Variants in SPOP observed in about 807,000 individuals in gnomAD.
SPOP encodes speckle type BTB/POZ protein.
A neutral mutation model predicts 45.6 loss-of-function variants in SPOP; 11 were observed. The observed-to-expected ratio is 0.24, with a 90% confidence interval of 0.15 to 0.40. The LOEUF is 0.40. Ranked by LOEUF, SPOP falls within the 10% of genes least tolerant of loss-of-function variation. The pLI, the probability that SPOP is intolerant of heterozygous loss-of-function variation, is 1.00. For missense variants in SPOP, 152 were observed against 465.6 expected (o/e 0.33, Z 6.20); for synonymous variants, 166 against 166.3 (o/e 1.00, Z 0.01).
rs1310160205 is a variant in SPOP, at chr17:49,602,343, A to G, written c.838-336T>C. On this transcript the variant is annotated intron_variant, in intron 8 of 9. Transcript: ENST00000504102. ...AGTTGTTCTTAAACCTTCACCACTTACAATTACAGTGAGGCATCAGTCTGC... is the reference window on the plus strand; with the variant it reads ...AGTTGTTCTTAAACCTTCACCACTTGCAATTACAGTGAGGCATCAGTCTGC... 6 of 203,112 alleles carry G rather than the reference A, an allele frequency of 3.0e-5. No individual in the cohort carries two copies. In the South Asian group the frequency reaches 5.0e-4, roughly 17 times the overall value. 12.6% of individuals were successfully genotyped at this position (203,112 alleles called of 1,614,324 possible).
intron 1 of SPOP, among the ~76,000 whole-genome samples, chr17:49,624,192 A>G (rs2072275219): frequency 6.6e-6 from 1 of 152,176 alleles, no homozygotes; most frequent in African/African-American, 2.4e-5. Context: ...GCAGATGGGT[A>G]GGATGAATTC....
rs573819199 is a variant in SPOP at position 49,675,630 on chromosome 17, C to T, written c.-67+2303G>A. Among the ~76,000 whole-genome samples, 5 of 152,226 alleles carry T rather than the reference C, an allele frequency of 3.3e-5. No individual in the cohort carries two copies. The East Asian group carries it at 7.7e-4, about 23-fold the overall frequency. ...TTTTAAAAAAGGCTCTGCACCAGTA[C>T]GAATTATTTAACAATATTCGTCTTA... On this transcript the variant is annotated intron_variant, in intron 1 of 9. Transcript: ENST00000504102.
intron 1 of SPOP, among the ~76,000 whole-genome samples, chr17:49,624,317 ACACGCGCGCGCGCG>A (rs1284642395): frequency 4.6e-5 from 5 of 109,622 alleles, no homozygotes; most frequent in Non-Finnish European, 9.5e-5. Context: ...GAACACACAC[ACACGCGCGCGCGCG>A]CACACACACA....
intron 1 of SPOP, among the ~76,000 whole-genome samples, chr17:49,668,850 C>T (rs1470743383): frequency 5.3e-5 from 8 of 150,970 alleles, no homozygotes; most frequent in African/African-American, 2.0e-4. Context: ...GATCTCGGCT[C>T]ACTGCAAGCT....
At chr17:49,613,474 G>A (rs1032728631) in intron 5 of SPOP, among the ~76,000 whole-genome samples, 2 of 152,122 alleles carry the variant, frequency 1.3e-5, no homozygotes, top group Non-Finnish European at 2.9e-5. Context: ...AAATGAATTG[G>A]CAAGAAGAGC....
chr17:49,607,950 A>C (rs936480090), intron 6 of SPOP, 21 bp from the exon 7 acceptor site: 3 of 1,611,374 alleles, frequency 1.9e-6, no homozygotes, highest in Non-Finnish European at 2.5e-6. Context: ...AAAGAGAAAC[A>C]AGCAGATAAG....
chr17:49,617,358 C>A (rs544338840), intron 5 of SPOP, among the ~76,000 whole-genome samples: 29 of 152,306 alleles, frequency 1.9e-4, no homozygotes, highest in African/African-American at 6.7e-4. Context: ...GTAAAACCAA[C>A]TAAATTCTCA....
At chr17:49,678,143 A>T (rs550960544), upstream of SPOP, 71 of 391,796 alleles carry the variant, frequency 1.8e-4, no homozygotes, top group Admixed American at 1.8e-3. Context: ...GCCAGACCCC[A>T]CCCCGCGCGG....
chr17:49,601,338 TCATATTATTATTATTC>T (rs1266042549), intron 9 of SPOP: 32 of 152,512 alleles, frequency 2.1e-4, no homozygotes, highest in African/African-American at 7.7e-4. Flanking sequence ...TCTTATTATT[TCATATTATTATTATTC>T]CATATTATTA....
At chr17:49,636,149 C>T (rs1378310374) in intron 1 of SPOP, 5 of 152,100 alleles carry the variant, frequency 3.3e-5, no homozygotes, top group Admixed American at 3.3e-4. Flanking sequence ...AGGCATGTGC[C>T]ACCACACCTG....
chr17:49,637,315 A>G (rs780454701), intron 1 of SPOP, among the ~76,000 whole-genome samples: 8 of 152,176 alleles, frequency 5.3e-5, no homozygotes, highest in Non-Finnish European at 7.3e-5. Flanking sequence ...TCAAAAAAAT[A>G]TTATACTTAG....
At chr17:49,638,885 C>T (rs561420598) in intron 1 of SPOP, among the ~76,000 whole-genome samples, 76 of 152,234 alleles carry the variant, frequency 5.0e-4, no homozygotes, top group African/African-American at 1.7e-3. Flanking sequence ...TGGTGACGGG[C>T]GTTTATAATC....
intron 1 of SPOP, among the ~76,000 whole-genome samples, chr17:49,662,837 C>T (rs978205531): frequency 1.3e-5 from 2 of 152,106 alleles, no homozygotes; most frequent in Admixed American, 6.5e-5. Flanking sequence ...GGTAAAATTC[C>T]ATCAGGAAAC....
At chr17:49,602,747 A>C (rs547010405) in intron 8 of SPOP, among the ~76,000 whole-genome samples, 77 of 152,326 alleles carry the variant, frequency 5.1e-4, no homozygotes, top group African/African-American at 1.8e-3. Context: ...AGTGGCAGAG[A>C]GCCTAAATGC....
intron 1 of SPOP, among the ~76,000 whole-genome samples, chr17:49,630,792 G>A (rs550955957): frequency 9.2e-5 from 14 of 152,062 alleles, no homozygotes; most frequent in Non-Finnish European, 2.1e-4. Flanking sequence ...CCTATAGGGG[G>A]ATTACCGATA....
rs1006096444 is a variant in SPOP, at chr17:49,619,057, T to G, written c.404A>C (p.Lys135Thr). Residue 135 changes from lysine to threonine, a missense_variant, in exon 5 of 10, where the codon AAA becomes ACA. Physicochemically the swap from Lys to Thr is moderately conservative, Grantham distance 78 (BLOSUM62 -1). Around this residue, in one of 3 missense-constraint regions of SPOP, gnomAD observed 28 missense variants for 176.8 expected, o/e 0.16. Transcript: ENST00000504102. The surrounding 1 kb of genome is among the most constrained non-coding windows in gnomAD (Gnocchi z 4.9). ...FVQGKDWGFK[K>T]FIRRDFLLDE... ...CAAAAGAAAATCTCTACGGATGAAT[T>G]TCTTGAATCCCCAGTCTTTGCCTTG... The G allele has an allele frequency of 6.2e-7, 1 of 1,614,048 alleles. No homozygotes were observed. The highest frequency in any genetic ancestry group is 8.5e-7 in the Non-Finnish European group (1 of 1,180,040).
At chr17:49,620,042 C>T (rs1477539833) in intron 3 of SPOP, among the ~76,000 whole-genome samples, 3 of 151,990 alleles carry the variant, frequency 2.0e-5, no homozygotes, top group Non-Finnish European at 4.4e-5. Flanking sequence ...TGGTGGCAGG[C>T]GCCTGTAATC....
intron 1 of SPOP, among the ~76,000 whole-genome samples, chr17:49,669,796 T>G (rs966886940): frequency 1.4e-5 from 2 of 146,360 alleles, no homozygotes; most frequent in African/African-American, 5.0e-5. Flanking sequence ...TAAGACAGCA[T>G]AAAAGATGTT....
intron 1 of SPOP, among the ~76,000 whole-genome samples, chr17:49,660,462 CTT>C (rs1343283559): frequency 6.6e-6 from 1 of 152,152 alleles, no homozygotes; most frequent in Non-Finnish European, 1.5e-5. Context: ...CTCCTTGAAA[CTT>C]ATCACTTTCC....
Sources: gnomAD v4.1 joint callset for allele counts (sites outside exome capture counted in the v4.1 genomes callset) on GRCh38, gnomAD v4.1.1 for gene constraint, gnomAD v4.1.1 regional missense constraint, Gnocchi (gnomAD v3.1) non-coding constraint, MANE v1.5 for transcripts, NCBI Gene and HGNC (gene_info 2026-07-23, HGNC 2026-07-21) for gene names.